Variants in CNTN5 observed in about 807,000 individuals in gnomAD.
CNTN5 encodes the protein contactin-5.
CNTN5 carries 77 observed loss-of-function variants against 129.1 expected under a neutral mutation model. The observed-to-expected ratio is 0.60, with a 90% CI of 0.50 to 0.72. The LOEUF is 0.72. CNTN5 is among the 30% of genes least tolerant of loss of function. The probability of loss-of-function intolerance (pLI) is 0.00; values close to 1 mark genes in which losing one functional copy is unlikely to be tolerated. For missense variants in CNTN5, 1,478 were observed against 1,328.8 expected (o/e 1.11, Z -1.75); for synonymous variants, 509 against 465.6 (o/e 1.09, Z -1.20).
At chr11:100,226,920 G>A (rs1396988848) in intron 16 of CNTN5, among the ~76,000 whole-genome samples, 1 of 151,974 alleles carries the variant, frequency 6.6e-6, no homozygotes, top group Admixed American at 6.6e-5. Context: ...GTAAACTCAT[G>A]GTATTCTAAT....
intron 2 of CNTN5, among the ~76,000 whole-genome samples, chr11:99,461,306 C>A (rs1215587484): frequency 6.6e-6 from 1 of 152,034 alleles, no homozygotes; most frequent in Non-Finnish European, 1.5e-5. Context: ...CAGGATAATT[C>A]TTTCTTATGC....
chr11:99,027,327 T>C (rs1194043494), intron 1 of CNTN5, among the ~76,000 whole-genome samples: 2 of 151,560 alleles, frequency 1.3e-5, no homozygotes, highest in African/African-American at 4.8e-5. Context: ...GCAAGAAATG[T>C]AGATGAGAGT....
At chr11:99,644,613 A>G (rs1353339072) in intron 3 of CNTN5, among the ~76,000 whole-genome samples, 1 of 152,222 alleles carries the variant, frequency 6.6e-6, no homozygotes, top group East Asian at 1.9e-4. Context: ...AGCGCAAGAA[A>G]TCAGTCAAAA....
In CNTN5 at chr11:100,141,699, A is replaced by C. The variant is rs185821779; in HGVS notation, c.1581-49427A>C. On this transcript the variant is annotated intron_variant, in intron 13 of 24. Coordinates refer to ENST00000524871, the MANE Select transcript of CNTN5 (RefSeq NM_014361.4). ...GTTATAGAAATGAATAAAATAGCGT[A>C]AGAAATCCTAACCTGACAGGGTTAT... 1.1e-4 allele frequency among the ~76,000 whole-genome samples: 17 copies of C among 152,310 alleles called. 1 individual carries two copies. The highest frequency in any genetic ancestry group is 4.1e-4 in the African/African-American group (17 of 41,582).
chr11:99,777,275 C>A (rs1218167047), intron 3 of CNTN5, among the ~76,000 whole-genome samples: 8 of 151,632 alleles, frequency 5.3e-5, no homozygotes, highest in African/African-American at 1.9e-4. Flanking sequence ...GACATGCTGC[C>A]CATGGATATT....
At chr11:100,327,601 T>G (rs1326514896) in intron 21 of CNTN5, among the ~76,000 whole-genome samples, 1 of 152,204 alleles carries the variant, frequency 6.6e-6, no homozygotes, top group Non-Finnish European at 1.5e-5. Context: ...GTGTGATCAT[T>G]TATTCAACAG....
intron 1 of CNTN5, among the ~76,000 whole-genome samples, chr11:99,069,735 C>T (rs1454872466): frequency 6.6e-6 from 1 of 152,082 alleles, no homozygotes; most frequent in Non-Finnish European, 1.5e-5. Flanking sequence ...TTGAAAATGG[C>T]CTGTTGCTTT....
intron 4 of CNTN5, among the ~76,000 whole-genome samples, chr11:99,831,793 A>AT (rs926826396): frequency 1.1e-4 from 17 of 152,066 alleles, no homozygotes; most frequent in Admixed American, 3.9e-4. Context: ...TCAAAATGTT[A>AT]TTTTTTTTAA....
chr11:100,189,039 A>C (rs1948390289), intron 13 of CNTN5, among the ~76,000 whole-genome samples: 1 of 152,088 alleles, frequency 6.6e-6, no homozygotes, highest in Admixed American at 6.6e-5. Context: ...GAACTCATGG[A>C]CATTAAAATG....
intron 2 of CNTN5, among the ~76,000 whole-genome samples, chr11:99,463,542 A>G (rs565991341): frequency 6.6e-6 from 1 of 152,020 alleles, no homozygotes; most frequent in African/African-American, 2.4e-5. Context: ...ATTCCAAGCT[A>G]GTACTGTATA....
chr11:100,203,517 G>A (rs1184204829), intron 15 of CNTN5, among the ~76,000 whole-genome samples: 2 of 151,798 alleles, frequency 1.3e-5, no homozygotes, highest in Non-Finnish European at 2.9e-5. Flanking sequence ...ATGCAGTTTT[G>A]GCCACCAAAA....
rs535599899 is a variant in CNTN5 at position 99,025,817 on chromosome 11, T to G, written c.-210+4547T>G. 2.6e-5 allele frequency among the ~76,000 whole-genome samples: 4 copies of G among 151,780 alleles called. No homozygotes were observed. The South Asian group carries it at 8.3e-4, about 31-fold the overall frequency. ...GAAATTTACTTTTAAGTATATAAAG[T>G]TTTATCTTTATTTTCTTAAATAATT... On this transcript the variant is annotated intron_variant, in intron 1 of 24. Coordinates refer to ENST00000524871, the MANE Select transcript of CNTN5 (RefSeq NM_014361.4).
chr11:100,069,978 A>G (rs1943843289), intron 10 of CNTN5, among the ~76,000 whole-genome samples: 1 of 152,128 alleles, frequency 6.6e-6, no homozygotes. Context: ...TTCACAAATC[A>G]TTTTTCCAAA....
intron 3 of CNTN5, among the ~76,000 whole-genome samples, chr11:99,715,747 C>G (rs979930553): frequency 1.3e-5 from 2 of 151,822 alleles, no homozygotes; most frequent in African/African-American, 2.4e-5. Flanking sequence ...TGTTTATACA[C>G]AAATTTACAT....
intron 3 of CNTN5, among the ~76,000 whole-genome samples, chr11:99,672,322 G>GT (rs1405744558): frequency 4.0e-5 from 6 of 151,894 alleles, no homozygotes; most frequent in African/African-American, 7.3e-5. Flanking sequence ...ACGTCCTATA[G>GT]TTTTTTTCTT....
intron 21 of CNTN5, among the ~76,000 whole-genome samples, chr11:100,330,842 C>A (rs1333194132): frequency 6.6e-6 from 1 of 152,098 alleles, no homozygotes; most frequent in African/African-American, 2.4e-5. Context: ...AATCTTGAAA[C>A]AAATTTTCAA....
In CNTN5 at chr11:99,818,262, C is replaced by CTT. The variant is rs71463595; in HGVS notation, c.56-1271_56-1270dup. On this transcript the variant is annotated intron_variant, in intron 3 of 24. Coordinates refer to ENST00000524871, the MANE Select transcript of CNTN5 (RefSeq NM_014361.4). ...GGCCAGATACTCTGAACAAAACTAC[C>CTT]TTTTTTTTTTTTGAGACAGGGTCTT... Among the ~76,000 whole-genome samples the CTT allele has an allele frequency of 9.6e-4, 141 of 147,300 alleles. 2 individuals are homozygous for CTT. The South Asian group carries it at 0.013, about 14-fold the overall frequency.
At chr11:99,300,020 T>C (rs1452669548) in intron 1 of CNTN5, among the ~76,000 whole-genome samples, 2 of 152,180 alleles carry the variant, frequency 1.3e-5, no homozygotes, top group Admixed American at 6.5e-5. Flanking sequence ...CAACAGTGTA[T>C]AAGCATTGCC....
At chr11:100,314,008 T>C (rs189222068) in intron 21 of CNTN5, among the ~76,000 whole-genome samples, 2 of 152,264 alleles carry the variant, frequency 1.3e-5, no homozygotes, top group East Asian at 1.9e-4. Flanking sequence ...ATATCCCTTA[T>C]GTTGTCAATT....
Sources: allele counts gnomAD v4.1 joint callset (sites outside exome capture counted in the v4.1 genomes callset), GRCh38; gene constraint gnomAD v4.1.1; transcripts MANE v1.5; gene names NCBI Gene and HGNC (gene_info 2026-07-23, HGNC 2026-07-21).